The following CEP170 variants were observed in gnomAD, a reference collection of about 807,000 sequenced individuals.
CEP170 encodes the protein centrosomal protein 170, also known as centrosomal protein of 170 kDa.
CEP170 carries 21 observed loss-of-function variants against 151.9 expected under a neutral mutation model. That is an observed-to-expected ratio of 0.14 (90% CI 0.10 to 0.20). CEP170 has a LOEUF of 0.20. CEP170 is among the 10% of genes least tolerant of loss of function. The pLI, the probability that CEP170 is intolerant of heterozygous loss-of-function variation, is 1.00. For synonymous variants in CEP170, 356 were observed against 648.8 expected, an observed-to-expected ratio of 0.55 and a Z score of 6.86; for missense variants, 964 against 1,892.9, an observed-to-expected ratio of 0.51 and a Z score of 9.11.
At chr1:243,237,729 C>G (rs2064381928) in intron 1 of CEP170, among the ~76,000 whole-genome samples, 1 of 151,990 alleles carries the variant, frequency 6.6e-6, no homozygotes, top group Non-Finnish European at 1.5e-5. Context: ...ATGGTGAAAC[C>G]CCCGTCTCTA....
At chr1:243,246,833 A>AAGGAGATATAAT (rs905569799) in intron 1 of CEP170, among the ~76,000 whole-genome samples, 5 of 152,162 alleles carry the variant, frequency 3.3e-5, no homozygotes, top group African/African-American at 1.2e-4. Flanking sequence ...CATTATATGC[A>AAGGAGATATAAT]TTTTTTATCC....
chr1:243,221,891 A>T, intron 2 of CEP170, 78 bp from the exon 3 acceptor site: 1 of 1,244,812 alleles, frequency 8.0e-7, no homozygotes, highest in Non-Finnish European at 1.1e-6. Flanking sequence ...TAGATACCTA[A>T]TATTAATAGG....
intron 16 of CEP170, among the ~76,000 whole-genome samples, chr1:243,137,780 A>T (rs12048917): frequency 1.0e-4 from 13 of 126,768 alleles, no homozygotes; most frequent in East Asian, 6.3e-4. Context: ...TCTCAAAATT[A>T]AAAAAAAAAA....
At chr1:243,172,509 G>A (rs946598802) in intron 11 of CEP170, among the ~76,000 whole-genome samples, 188 bp downstream of exon 11, 8 of 152,184 alleles carry the variant, frequency 5.3e-5, no homozygotes, top group Non-Finnish European at 8.8e-5. Flanking sequence ...GTGCACGCCT[G>A]TAATCACAGC....
intron 1 of CEP170, among the ~76,000 whole-genome samples, chr1:243,231,468 T>C (rs2063754338): frequency 6.6e-6 from 1 of 152,184 alleles, no homozygotes; most frequent in Non-Finnish European, 1.5e-5. Context: ...TTTTCCCATA[T>C]GGTTTAATAA....
At chr1:243,230,646 T>G (rs147053350) in intron 1 of CEP170, among the ~76,000 whole-genome samples, 1 of 151,968 alleles carries the variant, frequency 6.6e-6, no homozygotes, top group African/African-American at 2.4e-5. Flanking sequence ...AAAGCAGATA[T>G]GAGGAGGAGT....
chr1:243,180,778 G>A (rs980274526), intron 10 of CEP170, among the ~76,000 whole-genome samples: 4 of 152,164 alleles, frequency 2.6e-5, no homozygotes, highest in Non-Finnish European at 5.9e-5. Flanking sequence ...TGCTGTAAAT[G>A]TTCTTCCTCC....
At chr1:243,245,216 A>T (rs1032092352) in intron 1 of CEP170, among the ~76,000 whole-genome samples, 2 of 152,160 alleles carry the variant, frequency 1.3e-5, no homozygotes, top group Non-Finnish European at 1.5e-5. Context: ...AGCACATTTT[A>T]AAAAAATGTC....
chr1:243,144,269 A>G (rs2056210642), intron 14 of CEP170, among the ~76,000 whole-genome samples: 1 of 152,252 alleles, frequency 6.6e-6, no homozygotes, highest in African/African-American at 2.4e-5. Context: ...TAAGAGAAGT[A>G]TTAATCATCT....
At chr1:243,255,478 C>G (rs2066553638), upstream of CEP170, 1 of 154,406 alleles carries the variant, frequency 6.5e-6, no homozygotes, top group Non-Finnish European at 1.4e-5. Flanking sequence ...GGACCGCAAC[C>G]AACAAGGACT....
At chr1:243,143,192 C>T (rs1468295266) in intron 14 of CEP170, among the ~76,000 whole-genome samples, 1 of 152,034 alleles carries the variant, frequency 6.6e-6, no homozygotes, top group Admixed American at 6.6e-5. Context: ...TCTACAGTAC[C>T]AAGAAATTAA....
At chr1:243,172,515 A>G (rs1043693091) in intron 11 of CEP170, among the ~76,000 whole-genome samples, 182 bp downstream of exon 11, 6 of 152,322 alleles carry the variant, frequency 3.9e-5, no homozygotes, top group African/African-American at 1.4e-4. Flanking sequence ...GCCTGTAATC[A>G]CAGCTACTTG....
chr1:243,244,455 A>G (rs1384402132), intron 1 of CEP170, among the ~76,000 whole-genome samples: 1 of 152,120 alleles, frequency 6.6e-6, no homozygotes, highest in Non-Finnish European at 1.5e-5. Context: ...GAAAGTAAAA[A>G]CTCTGGGCCA....
chr1:243,140,160 C>A, intron 15 of CEP170, 53 bp from the exon 16 acceptor site: 1 of 1,570,660 alleles, frequency 6.4e-7, no homozygotes, highest in South Asian at 1.2e-5. Flanking sequence ...GAAAAAGTAC[C>A]AATATTGGCA....
intron 14 of CEP170, among the ~76,000 whole-genome samples, chr1:243,152,477 T>C (rs1362869693): frequency 7.2e-6 from 1 of 138,200 alleles, no homozygotes; most frequent in Non-Finnish European, 1.5e-5. Flanking sequence ...CGCCTCAACC[T>C]CCCAAAGTGC....
chr1:243,128,191 C>G (rs1195841832), intron 19 of CEP170, 58 bp downstream of exon 19: 1 of 1,429,138 alleles, frequency 7.0e-7, no homozygotes. Flanking sequence ...AAATACCACT[C>G]AGAAGGCACT....
At chr1:243,247,729 TC>T (rs1411298874) in intron 1 of CEP170, among the ~76,000 whole-genome samples, 4 of 152,178 alleles carry the variant, frequency 2.6e-5, no homozygotes. Flanking sequence ...AAACTGCCTA[TC>T]GGGATAGAGT....
At chr1:243,175,819 C>A (rs1361827084) in intron 10 of CEP170, among the ~76,000 whole-genome samples, 1 of 151,804 alleles carries the variant, frequency 6.6e-6, no homozygotes, top group Non-Finnish European at 1.5e-5. Context: ...TTTTTTGAGA[C>A]AGAGTCTCGC....
Position 243,124,485 on chromosome 1 carries a change from A to G in CEP170, c.*1964T>C, listed in dbSNP as rs543659124. ...AGTTGTAAATGCATAACAAAATAAC[A>G]TAAGTAATAAATGTAACAAAAATAA... On this transcript the variant is annotated 3_prime_UTR_variant, in exon 20 of 20. Transcript: ENST00000366542. 6 of 152,790 alleles carry G rather than the reference A, an allele frequency of 3.9e-5. No homozygotes were observed. In the South Asian group the frequency reaches 8.3e-4, roughly 21 times the overall value. The allele number at this position is 152,790 out of a possible 1,614,324, so 9.5% of individuals were successfully genotyped here.
Sources: gnomAD v4.1 joint callset for allele counts (sites outside exome capture counted in the v4.1 genomes callset) on GRCh38, gnomAD v4.1.1 for gene constraint, MANE v1.5 for transcripts, NCBI Gene and HGNC (gene_info 2026-07-23, HGNC 2026-07-21) for gene names.